SRFBP1: variants seen among roughly 807,000 people sequenced by gnomAD.
SRFBP1 encodes serum response factor-binding protein 1.
SRFBP1 carries 47 observed loss-of-function variants against 45.5 expected under a neutral mutation model. The observed-to-expected ratio is 1.03, with a 90% CI of 0.82 to 1.32. The LOEUF (loss-of-function observed/expected upper bound fraction) is 1.32. Ranked by LOEUF, SRFBP1 falls within the 40% of genes most tolerant of loss-of-function variation. The probability of loss-of-function intolerance (pLI) is 0.00; values close to 1 mark genes in which losing one functional copy is unlikely to be tolerated. For synonymous variants in SRFBP1, 203 were observed against 166.3 expected (o/e 1.22, Z -1.70); for missense variants, 621 against 484.6 (o/e 1.28, Z -2.64).
At chr5:122,077,906 C>T, downstream of SRFBP1, 1 of 1,514,984 alleles carries the variant, frequency 6.6e-7, no homozygotes, top group South Asian at 1.3e-5. The surrounding 1 kb of genome is among the most constrained non-coding windows in gnomAD (Gnocchi z 4.9). Context: ...CTGCTGTTGG[C>T]CGGCGGCGGG....
intron 3 of SRFBP1, among the ~76,000 whole-genome samples, chr5:121,990,129 A>G (rs1752591511): frequency 6.6e-6 from 1 of 152,212 alleles, no homozygotes; most frequent in Non-Finnish European, 1.5e-5. Context: ...GTCTGTGTTC[A>G]CGGCTGCACT....
chr5:121,985,434 A>ATT (rs1752491309), intron 3 of SRFBP1, among the ~76,000 whole-genome samples: 2 of 151,776 alleles, frequency 1.3e-5, no homozygotes, highest in Admixed American at 1.3e-4. Flanking sequence ...AAGTCTGTGT[A>ATT]AAGGAAGATA....
chr5:122,026,912 G>A (rs1318509073), intron 7 of SRFBP1, 30 bp from the exon 8 acceptor site: 2 of 1,523,116 alleles, frequency 1.3e-6, no homozygotes, highest in Non-Finnish European at 1.8e-6. Flanking sequence ...TAAGTATATA[G>A]TTATTATTAT....
At chr5:121,968,699 T>C (rs75171655) in intron 1 of SRFBP1, among the ~76,000 whole-genome samples, 5,208 of 152,264 alleles carry the variant, frequency 0.034, 300 homozygotes, top group African/African-American at 0.12. Context: ...AGGACTTTTG[T>C]TAAAGTACAG....
chr5:122,014,771 C>T (rs1306280223), intron 4 of SRFBP1, among the ~76,000 whole-genome samples: 4 of 152,082 alleles, frequency 2.6e-5, no homozygotes, highest in African/African-American at 4.8e-5. Context: ...GCATTTACCC[C>T]GGAGTCCACA....
At chr5:122,033,412 A>G (rs980187015), downstream of SRFBP1, among the ~76,000 whole-genome samples, 1 of 152,108 alleles carries the variant, frequency 6.6e-6, no homozygotes, top group Admixed American at 6.5e-5. Context: ...AAATAGTTCA[A>G]AAATCTTTCC....
chr5:121,986,574 G>A (rs941827211), intron 3 of SRFBP1, among the ~76,000 whole-genome samples: 5 of 152,098 alleles, frequency 3.3e-5, no homozygotes, highest in African/African-American at 1.2e-4. Context: ...ATGTGGTTGC[G>A]ATTCATTGCT....
chr5:122,069,555 T>G (rs1754393259), intron 2 of SRFBP1, among the ~76,000 whole-genome samples: 1 of 152,156 alleles, frequency 6.6e-6, no homozygotes, highest in Non-Finnish European at 1.5e-5. Flanking sequence ...GCAGAGTATT[T>G]TCCTAGTATC....
intron 2 of SRFBP1, among the ~76,000 whole-genome samples, chr5:122,036,964 G>A (rs888722539): frequency 2.0e-4 from 30 of 150,722 alleles, no homozygotes; most frequent in African/African-American, 6.1e-4. Flanking sequence ...GCGTGATCTC[G>A]GCTCACTGCA....
At chr5:122,007,150 G>A (rs1053983592) in intron 4 of SRFBP1, among the ~76,000 whole-genome samples, 1 of 152,174 alleles carries the variant, frequency 6.6e-6, no homozygotes, top group African/African-American at 2.4e-5. Flanking sequence ...TGGGCATGCC[G>A]GCCTGGTGAC....
intron 7 of SRFBP1, 83 bp downstream of exon 7, chr5:122,022,490 T>A: frequency 8.6e-7 from 1 of 1,167,862 alleles, no homozygotes; most frequent in Non-Finnish European, 1.2e-6. Flanking sequence ...TGTTGTTGCT[T>A]AATATAGCCT....
At chr5:121,989,969 T>G (rs1752588499) in intron 3 of SRFBP1, among the ~76,000 whole-genome samples, 1 of 152,212 alleles carries the variant, frequency 6.6e-6, no homozygotes, top group Admixed American at 6.5e-5. Context: ...ATCTTGGATT[T>G]GAATTTTTTC....
chr5:122,071,880 G>A (rs1197827939), intron 2 of SRFBP1, among the ~76,000 whole-genome samples: 1 of 152,066 alleles, frequency 6.6e-6, no homozygotes, highest in African/African-American at 2.4e-5. Context: ...CTGTCATAGA[G>A]CACACAATAG....
intron 3 of SRFBP1, among the ~76,000 whole-genome samples, chr5:121,983,052 A>AT (rs1202841466): frequency 6.6e-6 from 1 of 151,716 alleles, no homozygotes; most frequent in Non-Finnish European, 1.5e-5. Context: ...ATTACAACAT[A>AT]TTTTGTTGGA....
Position 122,022,364 on chromosome 5 carries a change from T to G in SRFBP1, c.1068-6T>G. ...AAAAGTCATAATGGTGTTTTTCTTC[T>G]TTTAGAAATTTCAAAGAACAGGCTC... On this transcript the variant is annotated splice_polypyrimidine_tract_variant and splice_region_variant and intron_variant, in intron 6 of 7. Transcript: ENST00000339397. 1.2e-6 allele frequency: 2 copies of G among 1,608,756 alleles called. No individual in the cohort carries two copies. Among genetic ancestry groups the G allele is most frequent in the Non-Finnish European group, 1.7e-6 (2 of 1,177,524 alleles).
At chr5:122,049,890 A>G (rs1217573693) in intron 2 of SRFBP1, among the ~76,000 whole-genome samples, 2 of 152,308 alleles carry the variant, frequency 1.3e-5, no homozygotes, top group African/African-American at 2.4e-5. Flanking sequence ...GTAGAGGGAA[A>G]TTTATAGCAC....
chr5:122,047,758 T>C (rs1283886710), intron 2 of SRFBP1, among the ~76,000 whole-genome samples: 1 of 152,190 alleles, frequency 6.6e-6, no homozygotes, highest in African/African-American at 2.4e-5. Flanking sequence ...GAAGAGATCC[T>C]TCACATCCCT....
chr5:122,043,278 C>T (rs1382127531), intron 2 of SRFBP1, among the ~76,000 whole-genome samples: 2 of 151,614 alleles, frequency 1.3e-5, no homozygotes, highest in East Asian at 1.9e-4. Flanking sequence ...TGCAGTGGTG[C>T]GATTTTGGCT....
chr5:122,018,883 GTTAT>G (rs1357668431), intron 4 of SRFBP1, among the ~76,000 whole-genome samples: 6 of 152,060 alleles, frequency 3.9e-5, no homozygotes, highest in Non-Finnish European at 7.4e-5. Context: ...GCACTAATAT[GTTAT>G]TTGATTCTTT....
Sources: allele counts gnomAD v4.1 joint callset (sites outside exome capture counted in the v4.1 genomes callset), GRCh38; gene constraint gnomAD v4.1.1; non-coding constraint Gnocchi (gnomAD v3.1); transcripts MANE v1.5; gene names NCBI Gene and HGNC (gene_info 2026-07-23, HGNC 2026-07-21).